Variants in NRROS observed in about 807,000 individuals in gnomAD.
NRROS encodes negative regulator of reactive oxygen species, also known as transforming growth factor beta activator LRRC33.
Under a neutral mutation model 12.0 loss-of-function variants are expected in NRROS, and 6 were observed. The ratio of observed to expected loss-of-function variants is 0.50; its 90% CI spans 0.27 to 0.98. The LOEUF (loss-of-function observed/expected upper bound fraction) is 0.98. NRROS is among the 50% of genes least tolerant of loss of function. The pLI is 0.11. For synonymous variants in NRROS, 462 were observed against 410.2 expected, an observed-to-expected ratio of 1.13 and a Z score of -1.53; for missense variants, 857 against 888.2, an observed-to-expected ratio of 0.96 and a Z score of 0.45.
intron 1 of NRROS, among the ~76,000 whole-genome samples, chr3:196,645,636 G>A (rs1209686163): frequency 2.6e-5 from 4 of 152,052 alleles, no homozygotes; most frequent in Admixed American, 6.6e-5. Flanking sequence ...CCTTTGAATC[G>A]GCCTCTTGTC....
intron 1 of NRROS, among the ~76,000 whole-genome samples, chr3:196,642,414 C>T (rs915902437): frequency 1.1e-4 from 16 of 152,284 alleles, no homozygotes; most frequent in Admixed American, 9.8e-4. Context: ...CTTTCCTCAG[C>T]TTTGCCTTCC....
Position 196,658,379 on chromosome 3 carries a change from A to G in NRROS, c.109-1373A>G, listed in dbSNP as rs560057771. 3.3e-5 allele frequency among the ~76,000 whole-genome samples: 5 copies of G among 152,320 alleles called. No individual in the cohort carries two copies. In the South Asian group the frequency reaches 8.3e-4, roughly 25 times the overall value. ...AGGTGACAGAAGAGTTGAGGTTTCC[A>G]TATGTCAATACAGTATCAATGTTTA... On this transcript the variant is annotated intron_variant, in intron 2 of 2. Transcript: ENST00000328557.
chr3:196,642,977 G>A (rs535976218), intron 1 of NRROS, among the ~76,000 whole-genome samples: 3 of 151,902 alleles, frequency 2.0e-5, no homozygotes, highest in Admixed American at 2.0e-4. Flanking sequence ...GGCTGAGGCA[G>A]GAGAGTCGCT....
intron 1 of NRROS, among the ~76,000 whole-genome samples, chr3:196,644,783 A>G (rs1221657585): frequency 4.2e-4 from 64 of 151,506 alleles, no homozygotes; most frequent in African/African-American, 9.9e-4. Context: ...AAAAAAAAAA[A>G]AAAAAAAAGA....
chr3:196,652,508 G>C (rs905516469), intron 1 of NRROS, among the ~76,000 whole-genome samples: 1 of 152,198 alleles, frequency 6.6e-6, no homozygotes, highest in Admixed American at 6.5e-5. Context: ...AACAGAGGCA[G>C]AATTCAAACT....
intron 1 of NRROS, among the ~76,000 whole-genome samples, chr3:196,641,402 A>T (rs9824884): frequency 0.12 from 18,776 of 151,964 alleles, 1,277 homozygotes; most frequent in Non-Finnish European, 0.14. Context: ...TTTTGTAGAC[A>T]CAGGATCTTG....
chr3:196,654,467 A>C lies in NRROS; in HGVS notation c.-13-60A>C, dbSNP rs1368750515. The C allele has an allele frequency of 2.0e-6, 2 of 995,716 alleles. No individual in the cohort carries two copies. Among genetic ancestry groups the C allele is most frequent in the African/African-American group, 3.2e-5 (2 of 63,248 alleles). 61.7% of individuals were successfully genotyped at this position (995,716 alleles called of 1,614,324 possible). On this transcript the variant is annotated intron_variant, in intron 1 of 2. Coordinates refer to ENST00000328557, the MANE Select transcript of NRROS (RefSeq NM_198565.3). This position sits in a 1 kb window ranked among gnomAD's most constrained non-coding sequence, Gnocchi z 4.4. ...GGAACTGGCTCCTTCTGCCGATAATACAAACAGCCCTCTGGGATGTCCTTC... is the reference window on the plus strand; with the variant it reads ...GGAACTGGCTCCTTCTGCCGATAATCCAAACAGCCCTCTGGGATGTCCTTC...
intron 1 of NRROS, among the ~76,000 whole-genome samples, chr3:196,642,166 G>A (rs1260419422): frequency 6.6e-6 from 1 of 151,946 alleles, no homozygotes; most frequent in African/African-American, 2.4e-5. Flanking sequence ...GGACATCAGT[G>A]CTTGGATCTT....
intron 2 of NRROS, among the ~76,000 whole-genome samples, chr3:196,657,574 G>A (rs1378288719): frequency 6.6e-6 from 1 of 151,998 alleles, no homozygotes; most frequent in Admixed American, 6.6e-5. Flanking sequence ...CGGTGTGGTG[G>A]TGTGAGTCTG....
chr3:196,647,306 A>G (rs1180311579), intron 1 of NRROS, among the ~76,000 whole-genome samples: 1 of 152,134 alleles, frequency 6.6e-6, no homozygotes, highest in African/African-American at 2.4e-5. Context: ...TTTCTGTTCT[A>G]CCTGCAGGGT....
At chr3:196,649,295 C>T (rs1382461628) in intron 1 of NRROS, among the ~76,000 whole-genome samples, 2 of 152,148 alleles carry the variant, frequency 1.3e-5, no homozygotes, top group African/African-American at 4.8e-5. Flanking sequence ...TCCCAGATCC[C>T]AGGTGCAATT....
intron 1 of NRROS, among the ~76,000 whole-genome samples, chr3:196,643,494 C>T (rs1030597235): frequency 1.1e-4 from 17 of 152,210 alleles, no homozygotes; most frequent in East Asian, 7.7e-4. Flanking sequence ...GCAGGTGCTG[C>T]GCCATGTGCA....
Position 196,660,122 on chromosome 3 carries a change from G to A in NRROS, c.479G>A (p.Arg160Gln), listed in dbSNP as rs200305407. Reference sequence around the variant, plus strand: ...ATGCTCCAGAACCTCTCCTCGCTGCGGTCCGTGTCCCTGGCGGGGAACACC... The same window carrying A: ...ATGCTCCAGAACCTCTCCTCGCTGCAGTCCGTGTCCCTGGCGGGGAACACC... ...ALMLQNLSSLRSVSLAGNTIM... is the reference protein window; with the variant it reads ...ALMLQNLSSLQSVSLAGNTIM... The change falls in exon 3 of 3, where the codon CGG (arginine) becomes CAG (glutamine). Residue 160 changes from arginine to glutamine, a missense_variant. By Grantham distance (43) the Arg-to-Gln change is conservative (BLOSUM62 1). Transcript: ENST00000328557. This position sits in a 1 kb window ranked among gnomAD's most constrained non-coding sequence, Gnocchi z 7.7. 117 of 1,613,066 alleles carry A rather than the reference G, an allele frequency of 7.3e-5. No individual in the cohort carries two copies. The East Asian group carries it at 2.4e-3, about 33-fold the overall frequency.
chr3:196,641,451 G>A (rs1737207787), intron 1 of NRROS, among the ~76,000 whole-genome samples: 1 of 152,064 alleles, frequency 6.6e-6, no homozygotes, highest in Non-Finnish European at 1.5e-5. Flanking sequence ...CTGGGCTCAA[G>A]CAATCCTCCT....
chr3:196,647,170 T>A (rs1238667286), intron 1 of NRROS, among the ~76,000 whole-genome samples: 1 of 152,214 alleles, frequency 6.6e-6, no homozygotes, highest in African/African-American at 2.4e-5. Context: ...TTTTAAAATA[T>A]TTTTATGTAC....
chr3:196,660,101 T>C lies in NRROS; in HGVS notation c.458T>C (p.Leu153Pro), dbSNP rs748482460. 1 of 1,612,916 alleles carries C rather than the reference T, an allele frequency of 6.2e-7. No individual in the cohort carries two copies. Among genetic ancestry groups the C allele is most frequent in the Non-Finnish European group, 8.5e-7 (1 of 1,179,914 alleles). ...ACGGAGGACATGGCAGCCCTCATGC[T>C]CCAGAACCTCTCCTCGCTGCGGTCC... The part of the protein sequence containing the change: ...ALTEDMAALM[L>P]QNLSSLRSVS... Residue 153 changes from leucine (L) to proline (P), a missense_variant, in exon 3 of 3, where the codon CTC becomes CCC. Physicochemically the swap from Leu to Pro is moderately conservative, Grantham distance 98. Coordinates refer to ENST00000328557, the MANE Select transcript of NRROS (RefSeq NM_198565.3). This position sits in a 1 kb window ranked among gnomAD's most constrained non-coding sequence, Gnocchi z 7.7.
intron 1 of NRROS, among the ~76,000 whole-genome samples, chr3:196,647,443 T>C (rs1299495151): frequency 6.6e-6 from 1 of 152,212 alleles, no homozygotes; most frequent in Non-Finnish European, 1.5e-5. Flanking sequence ...CAATTCTAAA[T>C]GTTTGTTGTT....
In NRROS at chr3:196,654,603, A is replaced by G; in HGVS notation, c.64A>G (p.Arg22Gly). The stretch of plus-strand genomic sequence containing the variant: ...CTTCCTGACCGTGGGCTGGAGGAAC[A>G]GAAGCGGAACAGCCACAGCAGCCTC... ...FHFLTVGWRN[R>G]SGTATAASQG... The change falls in exon 2 of 3, where the codon AGA becomes GGA. Residue 22 changes from arginine (R) to glycine (G), a missense_variant. Coordinates refer to ENST00000328557, the MANE Select transcript of NRROS (RefSeq NM_198565.3). This position sits in a 1 kb window ranked among gnomAD's most constrained non-coding sequence, Gnocchi z 4.4. 1 of 1,614,122 alleles carries G rather than the reference A, an allele frequency of 6.2e-7. No individual in the cohort carries two copies.
Position 196,660,073 on chromosome 3 carries a change from C to T in NRROS, c.430C>T (p.Leu144=). ...GAGGCTGGACTTGTCAGGAAACGCC[C>T]TGACGGAGGACATGGCAGCCCTCAT... The part of the protein sequence containing the change: ...LRRLDLSGNA[L]TEDMAALMLQ... Residue 144 remains leucine (L), a synonymous_variant, in exon 3 of 3, where the codon CTG becomes TTG. Transcript: ENST00000328557. The surrounding 1 kb of genome is among the most constrained non-coding windows in gnomAD (Gnocchi z 7.7). 1.2e-6 allele frequency: 2 copies of T among 1,613,302 alleles called. No individual in the cohort carries two copies. The highest frequency in any genetic ancestry group is 1.7e-6 in the Non-Finnish European group (2 of 1,179,966).
Sources: gnomAD v4.1 joint callset for allele counts (sites outside exome capture counted in the v4.1 genomes callset) on GRCh38, gnomAD v4.1.1 for gene constraint, Gnocchi (gnomAD v3.1) non-coding constraint, MANE v1.5 for transcripts, NCBI Gene and HGNC (gene_info 2026-07-23, HGNC 2026-07-21) for gene names.